The following CTNNA3 variants were observed in gnomAD, a reference collection of about 807,000 sequenced individuals.
The protein encoded by CTNNA3 is catenin alpha 3.
Under a neutral mutation model 95.7 loss-of-function variants are expected in CTNNA3, and 76 were observed. The observed-to-expected ratio is 0.79, with a 90% CI of 0.66 to 0.96. The LOEUF (loss-of-function observed/expected upper bound fraction) is 0.96, where lower values mean the gene tolerates loss of function less well. Ranked by LOEUF, CTNNA3 falls within the 40% of genes least tolerant of loss-of-function variation. The pLI, the probability that CTNNA3 is intolerant of heterozygous loss-of-function variation, is 0.00. For missense variants in CTNNA3, 1,191 were observed against 1,089.8 expected (o/e 1.09, Z -1.31); for synonymous variants, 431 against 374.4 (o/e 1.15, Z -1.74).
chr10:66,555,611 G>A (rs988767515), intron 10 of CTNNA3, among the ~76,000 whole-genome samples: 5 of 151,974 alleles, frequency 3.3e-5, no homozygotes, highest in African/African-American at 1.2e-4. Flanking sequence ...TTCACTGTTC[G>A]GTTAGCATTT....
intron 13 of CTNNA3, among the ~76,000 whole-genome samples, chr10:66,194,338 G>C (rs919054067): frequency 1.3e-5 from 2 of 152,140 alleles, no homozygotes; most frequent in African/African-American, 4.8e-5. Context: ...CCAGCACTTT[G>C]GGCGGCCGAG....
At chr10:66,694,250 A>C (rs1847671465) in intron 9 of CTNNA3, among the ~76,000 whole-genome samples, 1 of 152,086 alleles carries the variant, frequency 6.6e-6, no homozygotes, top group Non-Finnish European at 1.5e-5. Flanking sequence ...GAAGAATCAA[A>C]TAGACACAAT....
intron 3 of CTNNA3, among the ~76,000 whole-genome samples, chr10:67,563,877 C>CA (rs1841643123): frequency 7.3e-6 from 1 of 137,826 alleles, no homozygotes. Flanking sequence ...ATGCAGCCAA[C>CA]AGACACATGA....
At chr10:67,223,604 G>C (rs927053764) in intron 5 of CTNNA3, among the ~76,000 whole-genome samples, 1 of 152,080 alleles carries the variant, frequency 6.6e-6, no homozygotes, top group Non-Finnish European at 1.5e-5. Context: ...TGTGCAAGTG[G>C]GTAGAGAAGT....
intron 7 of CTNNA3, among the ~76,000 whole-genome samples, chr10:67,130,621 G>A (rs1313688796): frequency 6.6e-6 from 1 of 152,112 alleles, no homozygotes; most frequent in African/African-American, 2.4e-5. Flanking sequence ...TTGTTGAAGA[G>A]ATCTTTTCAA....
chr10:66,740,225 A>T (rs1251640854), intron 9 of CTNNA3, among the ~76,000 whole-genome samples: 1 of 152,202 alleles, frequency 6.6e-6, no homozygotes, highest in Non-Finnish European at 1.5e-5. Flanking sequence ...ACTTTACTCA[A>T]TCAGCAAGAA....
chr10:67,699,450 T>C (rs537325602), upstream of CTNNA3, among the ~76,000 whole-genome samples: 48 of 152,340 alleles, frequency 3.2e-4, 1 homozygote, highest in South Asian at 9.7e-3. Context: ...TCCTAACCTA[T>C]GGCTTCAAAT....
At chr10:66,198,806 G>A (rs960428203) in intron 13 of CTNNA3, among the ~76,000 whole-genome samples, 1 of 152,128 alleles carries the variant, frequency 6.6e-6, no homozygotes, top group Non-Finnish European at 1.5e-5. Flanking sequence ...AAAGTCCTAT[G>A]AGCGAACATT....
chr10:66,970,379 C>T (rs1042174812), intron 7 of CTNNA3, among the ~76,000 whole-genome samples: 10 of 151,942 alleles, frequency 6.6e-5, no homozygotes, highest in South Asian at 4.1e-4. Flanking sequence ...AGCTTCTTCT[C>T]GATATACAGC....
At chr10:67,207,696 T>C (rs56249429) in intron 6 of CTNNA3, among the ~76,000 whole-genome samples, 7,603 of 152,274 alleles carry the variant, frequency 0.05, 245 homozygotes, top group South Asian at 0.11. Context: ...TGACCTAGCA[T>C]TCCTAGAATC....
At chr10:66,580,078 T>A (rs1211238523) in intron 10 of CTNNA3, among the ~76,000 whole-genome samples, 2 of 151,224 alleles carry the variant, frequency 1.3e-5, no homozygotes, top group South Asian at 2.1e-4. Flanking sequence ...AATTTCTATT[T>A]GTATTATTTT....
chr10:66,445,300 C>T (rs202087971), intron 11 of CTNNA3, among the ~76,000 whole-genome samples: 1 of 152,026 alleles, frequency 6.6e-6, no homozygotes, highest in African/African-American at 2.4e-5. Flanking sequence ...AGGAATTGAA[C>T]TCAGCTCTGC....
chr10:66,070,312 A>G (rs1402946103), intron 14 of CTNNA3, among the ~76,000 whole-genome samples: 1 of 152,194 alleles, frequency 6.6e-6, no homozygotes, highest in Non-Finnish European at 1.5e-5. Context: ...ACAGCTCACT[A>G]CTTCTGAAAT....
intron 15 of CTNNA3, among the ~76,000 whole-genome samples, chr10:66,011,528 AT>A (rs1459368315): frequency 4.6e-5 from 7 of 152,066 alleles, no homozygotes; most frequent in African/African-American, 1.7e-4. Context: ...CATATATTGC[AT>A]TTTTTATATA....
At chr10:66,402,391 C>T (rs887631432) in intron 11 of CTNNA3, among the ~76,000 whole-genome samples, 5 of 141,572 alleles carry the variant, frequency 3.5e-5, no homozygotes, top group African/African-American at 1.2e-4. Context: ...ATGTTCAGTA[C>T]CAAAAAGAGT....
At chr10:67,165,289 C>T (rs1016547902) in intron 7 of CTNNA3, among the ~76,000 whole-genome samples, 1 of 151,940 alleles carries the variant, frequency 6.6e-6, no homozygotes, top group African/African-American at 2.4e-5. Flanking sequence ...TTATAAAACA[C>T]TGTATAATAA....
At position 66,377,504 on chromosome 10, in the gene CTNNA3, C is replaced by T. The variant is rs146039926; in HGVS notation, c.1732+1648G>A. ...ATCTCAGAGTGATTGCAAACAGTGGCATAAAACTGTAAACCTGGTACCTCA... is the reference window on the plus strand; with the variant it reads ...ATCTCAGAGTGATTGCAAACAGTGGTATAAAACTGTAAACCTGGTACCTCA... On this transcript the variant is annotated intron_variant, in intron 12 of 17. Coordinates refer to ENST00000433211, the MANE Select transcript of CTNNA3 (RefSeq NM_013266.4). 1.3e-3 allele frequency among the ~76,000 whole-genome samples: 201 copies of T among 151,990 alleles called. 2 individuals carry two copies. The highest frequency in any genetic ancestry group is 4.4e-3 in the African/African-American group (184 of 41,492).
At chr10:66,729,658 C>A (rs113381697) in intron 9 of CTNNA3, among the ~76,000 whole-genome samples, 1 of 151,822 alleles carries the variant, frequency 6.6e-6, no homozygotes, top group South Asian at 2.1e-4. Context: ...TGGAAGGGGG[C>A]GAGGGATAAA....
chr10:66,799,940 A>C (rs917880413), intron 7 of CTNNA3, among the ~76,000 whole-genome samples: 5 of 151,472 alleles, frequency 3.3e-5, no homozygotes, highest in Admixed American at 2.0e-4. Flanking sequence ...AAGAAAAAAA[A>C]AATCCTGCCA....
Sources: allele counts gnomAD v4.1 joint callset (sites outside exome capture counted in the v4.1 genomes callset), GRCh38; gene constraint gnomAD v4.1.1; transcripts MANE v1.5; gene names NCBI Gene and HGNC (gene_info 2026-07-23, HGNC 2026-07-21).